DLC1: variants seen among roughly 807,000 people sequenced by gnomAD.
DLC1 encodes the protein DLC1 Rho GTPase activating protein.
Under a neutral mutation model 140.3 loss-of-function variants are expected in DLC1, and 54 were observed. The observed-to-expected ratio is 0.38, with a 90% CI of 0.31 to 0.48. DLC1 has a LOEUF of 0.48. DLC1 is among the 20% of genes least tolerant of loss of function. The pLI is 0.96. For missense variants in DLC1, 2,536 were observed against 1,907.0 expected (o/e 1.33, Z -6.14); for synonymous variants, 986 against 728.1 (o/e 1.35, Z -5.70).
At chr8:13,344,089 A>G (rs1834200841) in intron 4 of DLC1, among the ~76,000 whole-genome samples, 1 of 152,176 alleles carries the variant, frequency 6.6e-6, no homozygotes, top group Admixed American at 6.5e-5. Flanking sequence ...CTATTCATTT[A>G]TTTGCTCCTT....
intron 1 of DLC1, among the ~76,000 whole-genome samples, chr8:13,531,612 A>G (rs1042740001): frequency 6.6e-6 from 1 of 152,030 alleles, no homozygotes; most frequent in Non-Finnish European, 1.5e-5. Context: ...AACCCTTAAT[A>G]CTAGCAACTC....
At chr8:13,123,528 A>G (rs1433065447) in intron 5 of DLC1, among the ~76,000 whole-genome samples, 1 of 132,940 alleles carries the variant, frequency 7.5e-6, no homozygotes, top group Non-Finnish European at 1.6e-5. Context: ...TTTTTTTTTA[A>G]GTAAACACAT....
chr8:13,183,763 T>C (rs1354076920), intron 5 of DLC1, among the ~76,000 whole-genome samples: 1 of 152,230 alleles, frequency 6.6e-6, no homozygotes, highest in Non-Finnish European at 1.5e-5. Flanking sequence ...TCAGGGATAT[T>C]GGTCTAAAAT....
chr8:13,286,769 C>G (rs943646912), intron 5 of DLC1, among the ~76,000 whole-genome samples: 9 of 149,398 alleles, frequency 6.0e-5, no homozygotes, highest in Non-Finnish European at 1.0e-4. Context: ...AACTCTTACT[C>G]TTTTGATTGG....
chr8:13,206,644 A>AT (rs1256035983), intron 5 of DLC1, among the ~76,000 whole-genome samples: 1 of 152,168 alleles, frequency 6.6e-6, no homozygotes, highest in East Asian at 1.9e-4. Context: ...TAAACGAGCT[A>AT]TTTTAGCAAA....
At chr8:13,308,164 A>G (rs1284069627) in intron 4 of DLC1, among the ~76,000 whole-genome samples, 1 of 152,226 alleles carries the variant, frequency 6.6e-6, no homozygotes, top group Non-Finnish European at 1.5e-5. Context: ...TAAAAATGAT[A>G]ATCAGTGAGT....
chr8:13,600,235 T>G (rs750538412), intron 1 of DLC1, among the ~76,000 whole-genome samples: 2 of 151,960 alleles, frequency 1.3e-5, no homozygotes, highest in African/African-American at 2.4e-5. Flanking sequence ...GTTTCTCAGA[T>G]AGTCTTTTAT....
intron 2 of DLC1, among the ~76,000 whole-genome samples, chr8:13,447,332 A>C (rs1318312023): frequency 1.3e-5 from 2 of 152,192 alleles, no homozygotes; most frequent in East Asian, 3.9e-4. Flanking sequence ...TTTTCTTATT[A>C]AGGCATACGA....
intron 2 of DLC1, among the ~76,000 whole-genome samples, chr8:13,435,830 G>A (rs1053107951): frequency 2.0e-5 from 3 of 152,160 alleles, no homozygotes; most frequent in Non-Finnish European, 2.9e-5. Flanking sequence ...ACAGAGAAGC[G>A]TTTTGTGAAA....
At chr8:13,232,029 C>T (rs1218714686) in intron 5 of DLC1, among the ~76,000 whole-genome samples, 1 of 152,124 alleles carries the variant, frequency 6.6e-6, no homozygotes, top group African/African-American at 2.4e-5. Context: ...TTTCATGAGC[C>T]ATCCATGGCT....
chr8:13,406,011 T>G (rs1837536688), intron 2 of DLC1, among the ~76,000 whole-genome samples: 1 of 122,792 alleles, frequency 8.1e-6, no homozygotes, highest in Non-Finnish European at 1.5e-5. Flanking sequence ...TTCTTCTTCT[T>G]TTTTTTTTTT....
At chr8:13,428,807 T>C (rs545664555) in intron 2 of DLC1, among the ~76,000 whole-genome samples, 1 of 152,334 alleles carries the variant, frequency 6.6e-6, no homozygotes, top group East Asian at 1.9e-4. Context: ...TATACCATTT[T>C]AGGTGGCCCG....
At chr8:13,506,615 A>G (rs1802096049) in intron 1 of DLC1, among the ~76,000 whole-genome samples, 2 of 148,752 alleles carry the variant, frequency 1.3e-5, no homozygotes, top group Admixed American at 1.4e-4. Context: ...ATATACACAT[A>G]TATATACACA....
chr8:13,502,674 C>A (rs1001793256), intron 1 of DLC1, among the ~76,000 whole-genome samples: 1 of 152,192 alleles, frequency 6.6e-6, no homozygotes, highest in Non-Finnish European at 1.5e-5. Flanking sequence ...TTGTAAAAGA[C>A]TGACTTCTCC....
chr8:13,212,186 C>G (rs1200507033), intron 5 of DLC1, among the ~76,000 whole-genome samples: 4 of 152,308 alleles, frequency 2.6e-5, no homozygotes, highest in Non-Finnish European at 5.9e-5. Context: ...TTCCATTCCT[C>G]TTAACAACAT....
At chr8:13,213,812 C>G (rs2117118412) in intron 5 of DLC1, among the ~76,000 whole-genome samples, 1 of 149,874 alleles carries the variant, frequency 6.7e-6, no homozygotes, top group South Asian at 2.1e-4. Flanking sequence ...GAGACAGGGT[C>G]TCCCTCTGTT....
At chr8:13,305,097 A>G in intron 5 of DLC1, 172 bp downstream of exon 5, 1 of 1,295,950 alleles carries the variant, frequency 7.7e-7, no homozygotes, top group African/African-American at 1.5e-5. Flanking sequence ...AAAACCACGT[A>G]TATTTTTCTT....
At chr8:13,586,314 G>C (rs968435784) in intron 1 of DLC1, among the ~76,000 whole-genome samples, 1 of 152,168 alleles carries the variant, frequency 6.6e-6, no homozygotes, top group African/African-American at 2.4e-5. Context: ...TAGGAAAGAA[G>C]AAGAGGAGAT....
intron 5 of DLC1, among the ~76,000 whole-genome samples, chr8:13,227,063 A>G (rs1444156383): frequency 6.6e-6 from 1 of 152,108 alleles, no homozygotes; most frequent in Non-Finnish European, 1.5e-5. Flanking sequence ...GCAGGGACTG[A>G]CCACTGAGCT....
Sources: gnomAD v4.1 joint callset for allele counts (sites outside exome capture counted in the v4.1 genomes callset) on GRCh38, gnomAD v4.1.1 for gene constraint, MANE v1.5 for transcripts, NCBI Gene and HGNC (gene_info 2026-07-23, HGNC 2026-07-21) for gene names.